MRTFB: variants seen among roughly 807,000 people sequenced by gnomAD.
MRTFB encodes the protein myocardin-related transcription factor B.
A neutral mutation model predicts 104.2 loss-of-function variants in MRTFB; 29 were observed. The observed-to-expected ratio is 0.28, with a 90% confidence interval of 0.21 to 0.38. The LOEUF (loss-of-function observed/expected upper bound fraction) is 0.38, where lower values mean the gene tolerates loss of function less well. Ranked by LOEUF, MRTFB falls within the 10% of genes least tolerant of loss-of-function variation. The pLI is 1.00. For missense variants in MRTFB, 1,270 were observed against 1,341.6 expected (o/e 0.95, Z 0.83); for synonymous variants, 535 against 519.5 (o/e 1.03, Z -0.41).
rs769752239 is a variant in MRTFB, at chr16:14,246,491, G to C, written c.1231G>C (p.Glu411Gln). The stretch of plus-strand genomic sequence containing the variant: ...CCTCCAGGTATCAGAACTGAAGACA[G>C]AACTGAAGTTAAGGGGTCTGCCAGT... ...DDLKVSELKT[E>Q]LKLRGLPVSG... The change falls in exon 12 of 17, where the codon GAA becomes CAA. Residue 411 changes from glutamate (E) to glutamine (Q), a missense_variant. Around this residue, in one of 3 missense-constraint regions of MRTFB, gnomAD observed 1,144 missense variants for 1,131.5 expected, o/e 1.01. Transcript: ENST00000571589. The C allele has an allele frequency of 6.2e-7, 1 of 1,614,130 alleles. No homozygotes were observed.
intron 8 of MRTFB, among the ~76,000 whole-genome samples, chr16:14,223,718 C>G (rs979523563): frequency 6.6e-6 from 1 of 152,024 alleles, no homozygotes; most frequent in Non-Finnish European, 1.5e-5. Context: ...ACTTAAGAGA[C>G]TTATAGGACA....
chr16:14,204,986 A>G (rs545591534), intron 3 of MRTFB, among the ~76,000 whole-genome samples: 10 of 152,342 alleles, frequency 6.6e-5, no homozygotes, highest in African/African-American at 2.2e-4. Context: ...AACAGGGACT[A>G]TTTAGTAAAC....
chr16:14,216,152 A>G (rs1003738513), intron 6 of MRTFB, among the ~76,000 whole-genome samples: 1 of 152,240 alleles, frequency 6.6e-6, no homozygotes, highest in Non-Finnish European at 1.5e-5. Context: ...GAGAAGCTAC[A>G]CAGATGTGCT....
At chr16:14,255,433 CAAA>C (rs2043436805) in intron 15 of MRTFB, among the ~76,000 whole-genome samples, 2 of 152,300 alleles carry the variant, frequency 1.3e-5, no homozygotes, top group South Asian at 4.1e-4. Context: ...AACCTTTCAT[CAAA>C]AACTATGAAA....
chr16:14,060,316 A>G, the MRTFB span, among the ~76,000 whole-genome samples: 1 of 151,968 alleles, frequency 6.6e-6, no homozygotes, highest in African/African-American at 2.4e-5. Context: ...TGAGACACAT[A>G]ATTTTATGAT....
At chr16:14,183,293 A>G (rs1597178208) in intron 3 of MRTFB, among the ~76,000 whole-genome samples, 1 of 152,306 alleles carries the variant, frequency 6.6e-6, no homozygotes, top group Non-Finnish European at 1.5e-5. Context: ...CTATAAAATA[A>G]CTGGCCTGTA....
chr16:14,127,889 T>G (rs1310510510), intron 2 of MRTFB, among the ~76,000 whole-genome samples: 2 of 134,800 alleles, frequency 1.5e-5, no homozygotes, highest in East Asian at 4.1e-4. Flanking sequence ...GGTGTAATTT[T>G]AGCAAAACTG....
chr16:14,225,775 C>T (rs984303287), intron 8 of MRTFB, among the ~76,000 whole-genome samples: 6 of 152,148 alleles, frequency 3.9e-5, no homozygotes, highest in African/African-American at 7.2e-5. Flanking sequence ...AGAGTCTGCC[C>T]ACCTCAGCCT....
the MRTFB span, among the ~76,000 whole-genome samples, chr16:14,065,240 T>G: frequency 1.6e-4 from 25 of 152,188 alleles, no homozygotes; most frequent in African/African-American, 6.0e-4. Flanking sequence ...TGATTGCATT[T>G]TTGATTTGGC....
chr16:14,029,530 C>CATAT, the MRTFB span, among the ~76,000 whole-genome samples: 6 of 145,680 alleles, frequency 4.1e-5, no homozygotes, highest in South Asian at 2.2e-4. Context: ...CACACACACA[C>CATAT]ATATATATAT....
the MRTFB span, among the ~76,000 whole-genome samples, chr16:14,029,092 G>T: frequency 6.6e-6 from 1 of 151,946 alleles, no homozygotes; most frequent in South Asian, 2.1e-4. Context: ...GCCAAGGCAG[G>T]AGGATCAGGC....
chr16:14,212,949 GA>G (rs1337531877), intron 5 of MRTFB, among the ~76,000 whole-genome samples: 1 of 152,154 alleles, frequency 6.6e-6, no homozygotes, highest in East Asian at 1.9e-4. Context: ...ATGCCATTAT[GA>G]ATATTCATTC....
chr16:14,155,098 T>A (rs1020915055), intron 3 of MRTFB, among the ~76,000 whole-genome samples: 10 of 152,214 alleles, frequency 6.6e-5, no homozygotes, highest in South Asian at 2.1e-4. Flanking sequence ...GTATATATAT[T>A]TTTTTGTCTT....
intron 6 of MRTFB, among the ~76,000 whole-genome samples, 182 bp from the exon 7 acceptor site, chr16:14,216,944 A>T (rs2041454328): frequency 6.6e-6 from 1 of 152,218 alleles, no homozygotes; most frequent in Admixed American, 6.5e-5. Flanking sequence ...AGCTATCCAG[A>T]ACTAAAAAAT....
chr16:14,201,708 A>G (rs765172246), intron 3 of MRTFB, among the ~76,000 whole-genome samples: 4 of 152,204 alleles, frequency 2.6e-5, no homozygotes, highest in Non-Finnish European at 4.4e-5. Context: ...ACCTTGAGCT[A>G]ATAGAGCTTT....
intron 3 of MRTFB, chr16:14,186,599 A>G (rs1467772398): frequency 1.4e-6 from 1 of 707,398 alleles, no homozygotes. Context: ...GCGCGGGGGA[A>G]GCTGGAATGG....
intron 1 of MRTFB, among the ~76,000 whole-genome samples, chr16:14,075,098 G>C (rs1439091271): frequency 1.3e-5 from 2 of 152,194 alleles, no homozygotes; most frequent in Non-Finnish European, 2.9e-5. Context: ...GGATCTCAGT[G>C]AATTATAGTT....
At chr16:14,247,536 C>T (rs1254976648) in intron 12 of MRTFB, 29 bp downstream of exon 12, 14 of 1,518,484 alleles carry the variant, frequency 9.2e-6, no homozygotes, top group Admixed American at 8.0e-5. Context: ...AACTACTTTG[C>T]CTTACAGCAT....
chr16:13,995,638 A>C, the MRTFB span, among the ~76,000 whole-genome samples: 1 of 152,214 alleles, frequency 6.6e-6, no homozygotes, highest in Non-Finnish European at 1.5e-5. Context: ...TAATTGGCTC[A>C]TGGTTCCACA....
Sources: allele counts gnomAD v4.1 joint callset (sites outside exome capture counted in the v4.1 genomes callset), GRCh38; gene constraint gnomAD v4.1.1; regional missense constraint gnomAD v4.1.1; transcripts MANE v1.5; gene names NCBI Gene and HGNC (gene_info 2026-07-23, HGNC 2026-07-21).